MACF1: variants seen among roughly 807,000 people sequenced by gnomAD.
The protein encoded by MACF1 is microtubule actin crosslinking factor 1.
Under a neutral mutation model 854.8 loss-of-function variants are expected in MACF1, and 193 were observed. That is an observed-to-expected ratio of 0.23 (90% CI 0.20 to 0.25). The LOEUF is 0.25. MACF1 is among the 10% of genes least tolerant of loss of function. The probability of loss-of-function intolerance (pLI) is 1.00; values close to 1 mark genes in which losing one functional copy is unlikely to be tolerated. For synonymous variants in MACF1, 3,185 were observed against 3,226.7 expected, an observed-to-expected ratio of 0.99 and a Z score of 0.44; for missense variants, 7,722 against 8,929.1, an observed-to-expected ratio of 0.86 and a Z score of 5.45.
chr1:39,414,148 TC>T, intron 58 of MACF1: 1 of 1,610,592 alleles, frequency 6.2e-7, no homozygotes, highest in Non-Finnish European at 8.5e-7. Flanking sequence ...GGAGCCCGCC[TC>T]CCCAGCAGCA....
In MACF1 at chr1:39,204,900, A is replaced by G. The variant is rs1644432713; in HGVS notation, c.-123A>G. On this transcript the variant is annotated 5_prime_UTR_variant, in exon 1 of 101. Transcript: ENST00000564288. The stretch of plus-strand genomic sequence containing the variant: ...AAGCTGCCAGGAAGTTTCTGACAAC[A>G]CTAAGCTCCGGCCTCTGCCTCTGCT... 1.6e-6 allele frequency: 1 copy of G among 627,754 alleles called. No individual in the cohort carries two copies. The highest frequency in any genetic ancestry group is 1.9e-5 in the South Asian group (1 of 53,436). 38.9% of individuals were successfully genotyped at this position (627,754 alleles called of 1,614,324 possible). A position where few individuals can be genotyped will look rare whatever the true frequency, so the allele number is the denominator to read the frequency against.
At chr1:39,288,508 A>AAAG (rs1645697737) in intron 15 of MACF1, among the ~76,000 whole-genome samples, 1 of 151,118 alleles carries the variant, frequency 6.6e-6, no homozygotes, top group Non-Finnish European at 1.5e-5. Context: ...AAAAAAAAAA[A>AAAG]AAAAGTACAG....
At chr1:39,280,207 C>G (rs1359976610) in intron 6 of MACF1, among the ~76,000 whole-genome samples, 1 of 151,934 alleles carries the variant, frequency 6.6e-6, no homozygotes, top group Non-Finnish European at 1.5e-5. Flanking sequence ...CCCCAAAATA[C>G]TTTTATTTGC....
At chr1:39,386,905 G>A (rs1220405021) in intron 57 of MACF1, among the ~76,000 whole-genome samples, 1 of 152,150 alleles carries the variant, frequency 6.6e-6, no homozygotes, top group Non-Finnish European at 1.5e-5. Context: ...AAGAAAAATT[G>A]TGCCATTAAT....
chr1:39,200,792 G>A (rs1301613405), upstream of MACF1, among the ~76,000 whole-genome samples: 1 of 151,918 alleles, frequency 6.6e-6, no homozygotes, highest in Admixed American at 6.6e-5. Flanking sequence ...TTCCACTTGA[G>A]GGGTGGGCAT....
chr1:39,333,659 G>C lies in MACF1; in HGVS notation c.7071G>C (p.Glu2357Asp), dbSNP rs1646765249. 2 of 1,614,198 alleles carry C rather than the reference G, an allele frequency of 1.2e-6. No individual in the cohort carries two copies. Among genetic ancestry groups the C allele is most frequent in the Non-Finnish European group, 1.7e-6 (2 of 1,180,026 alleles). The change falls in exon 37 of 101, where the codon GAG becomes GAC. Residue 2357 changes from glutamate to aspartate, a missense_variant. Coordinates refer to ENST00000564288, the MANE Select transcript of MACF1 (RefSeq NM_001394062.1). ...TCATTAATGAAGGTCTGATGGATGAGAAATTATTACATAATGTCCTCATGG... is the reference window on the plus strand; with the variant it reads ...TCATTAATGAAGGTCTGATGGATGACAAATTATTACATAATGTCCTCATGG... ...EEVINEGLMD[E>D]KLLHNVLMAD...
Position 39,430,699 on chromosome 1 carries a change from T to G in MACF1, c.17131-3T>G. The G allele has an allele frequency of 6.2e-7, 1 of 1,611,156 alleles. No homozygotes were observed. The highest frequency in any genetic ancestry group is 8.5e-7 in the Non-Finnish European group (1 of 1,179,302). On this transcript the variant is annotated splice_region_variant and splice_polypyrimidine_tract_variant and intron_variant, in intron 65 of 100. Transcript: ENST00000564288. ...TGGCCTGAAAACTCTTTTCCCTCCT[T>G]AGGAATTAAAGAAGGAGGTCATGGA...
chr1:39,163,117 C>A (rs1176015962), intron 2 of MACF1, among the ~76,000 whole-genome samples: 2 of 151,988 alleles, frequency 1.3e-5, no homozygotes, highest in African/African-American at 4.8e-5. Flanking sequence ...CTTTGGGACG[C>A]CGAGGCTGGC....
Position 39,171,203 on chromosome 1 carries a change from TTG to T in MACF1, c.221-59955_221-59954del, listed in dbSNP as rs147517281. 3.4e-3 allele frequency among the ~76,000 whole-genome samples: 492 copies of T among 146,292 alleles called. 4 individuals carry two copies. Among genetic ancestry groups the T allele is most frequent in the African/African-American group, 0.011 (458 of 40,246 alleles). On this transcript the variant is annotated intron_variant, in intron 2 of 93. Transcript: ENST00000361689. ...TTTTACATAATTGTAATCTTTCTGT[TTG>T]TGTGTGTGTGTGTGTGTGTGTGTAT... is the stretch of plus-strand genomic sequence containing the variant.
intron 80 of MACF1, 113 bp from the exon 81 acceptor site, chr1:39,447,319 C>T: frequency 1.0e-6 from 1 of 1,004,900 alleles, no homozygotes; most frequent in African/African-American, 1.6e-5. Flanking sequence ...ATGAGGCTTC[C>T]TTTTTAGAGG....
At chr1:39,273,364 A>T (rs918952612) in intron 6 of MACF1, among the ~76,000 whole-genome samples, 1 of 151,882 alleles carries the variant, frequency 6.6e-6, no homozygotes, top group Non-Finnish European at 1.5e-5. Context: ...GAATAGTCAG[A>T]TAACACTGGG....
At chr1:39,367,346 T>G (rs941106756) in intron 49 of MACF1, among the ~76,000 whole-genome samples, 2 of 152,094 alleles carry the variant, frequency 1.3e-5, no homozygotes, top group Non-Finnish European at 2.9e-5. Flanking sequence ...TTGGCTGTTT[T>G]TTTTTTAATT....
chr1:39,312,239 A>G (rs1646316096), intron 26 of MACF1, among the ~76,000 whole-genome samples: 1 of 152,174 alleles, frequency 6.6e-6, no homozygotes, highest in Admixed American at 6.5e-5. Flanking sequence ...ATATACATAC[A>G]TACATCTAAA....
At chr1:39,408,211 T>C (rs961619493) in intron 58 of MACF1, among the ~76,000 whole-genome samples, 2 of 152,200 alleles carry the variant, frequency 1.3e-5, no homozygotes, top group Non-Finnish European at 2.9e-5. Context: ...CCCCATTTTC[T>C]TCCGTCATTG....
chr1:39,469,508 C>A, intron 96 of MACF1, 39 bp from the exon 97 acceptor site: 1 of 1,469,162 alleles, frequency 6.8e-7, no homozygotes, highest in Non-Finnish European at 9.3e-7. Context: ...CGTTTCCTGC[C>A]CTGTCTGTTT....
intron 23 of MACF1, chr1:39,304,158 A>G (rs1248318494): frequency 1.6e-5 from 2 of 125,912 alleles, no homozygotes; most frequent in African/African-American, 6.1e-5. Flanking sequence ...TCCTAATGCT[A>G]TCCCTCCCCC....
At position 39,481,035 on chromosome 1, in the gene MACF1, A is replaced by G; in HGVS notation, c.22281+5A>G. On this transcript the variant is annotated splice_donor_5th_base_variant and intron_variant, in intron 99 of 100. Coordinates refer to ENST00000564288, the MANE Select transcript of MACF1 (RefSeq NM_001394062.1). Reference sequence around the variant, plus strand: ...CTCCAGCTGCCCACCCCCGAGGTAGAGTATGGCTTTGCTGACTGAGGACAC... The same window carrying G: ...CTCCAGCTGCCCACCCCCGAGGTAGGGTATGGCTTTGCTGACTGAGGACAC... 1 of 1,538,846 alleles carries G rather than the reference A, an allele frequency of 6.5e-7. No homozygotes were observed.
intron 89 of MACF1, among the ~76,000 whole-genome samples, chr1:39,455,674 C>G (rs758585551): frequency 6.6e-6 from 1 of 152,138 alleles, no homozygotes; most frequent in Non-Finnish European, 1.5e-5. Context: ...CTGCCTGCCA[C>G]AGCCTGTTTT....
chr1:39,355,615 G>A (rs948746908), intron 44 of MACF1, among the ~76,000 whole-genome samples: 145 of 151,732 alleles, frequency 9.6e-4, no homozygotes, highest in African/African-American at 3.3e-3. Context: ...ACAGGTGCAC[G>A]CCACCACACC....
Sources: allele counts gnomAD v4.1 joint callset (sites outside exome capture counted in the v4.1 genomes callset), GRCh38; gene constraint gnomAD v4.1.1; transcripts MANE v1.5; gene names NCBI Gene and HGNC (gene_info 2026-07-23, HGNC 2026-07-21).